The following GNL3L variants were observed in gnomAD, a reference collection of about 807,000 sequenced individuals.
GNL3L encodes guanine nucleotide-binding protein-like 3-like protein.
In GNL3L, 4 loss-of-function variants were observed where a neutral mutation model predicts 42.9. The observed-to-expected ratio is 0.09, with a 90% CI of 0.05 to 0.21. GNL3L has a LOEUF of 0.21. Among genes scored for constraint, GNL3L ranks in the 10% least tolerant of loss-of-function variants. The pLI, the probability that GNL3L is intolerant of heterozygous loss-of-function variation, is 1.00. For synonymous variants in GNL3L, 159 were observed against 176.3 expected (o/e 0.90, Z 0.78); for missense variants, 412 against 481.7 (o/e 0.86, Z 1.36).
rs759593751 is a variant in GNL3L, at chrX:54,574,782, C to T, written c.*45+14135C>T. 1.2e-4 allele frequency among the ~76,000 whole-genome samples: 14 copies of T among 112,077 alleles called. No homozygotes were observed. In the South Asian group the frequency reaches 1.8e-3, roughly 15 times the overall value. On this transcript the variant is annotated intron_variant, in intron 16 of 16. Transcript: ENST00000674498. ...TTTCTTTGAGGCAAGATTCCTGATT[C>T]GGTATCTTGTTAAATTTCTGTTAGA...
At chrX:54,580,000 T>A in intron 16 of GNL3L, among the ~76,000 whole-genome samples, 1 of 103,769 alleles carries the variant, frequency 9.6e-6, no homozygotes. Context: ...TTTTTTTTTT[T>A]TTTTTTTTTT....
At chrX:54,625,589 G>T (rs5961107), downstream of GNL3L, among the ~76,000 whole-genome samples, 16,366 of 110,154 alleles carry the variant, frequency 0.15, 1,966 homozygotes, top group African/African-American at 0.41. Context: ...TTGAGTACTT[G>T]TGCATATATA....
downstream of GNL3L, among the ~76,000 whole-genome samples, chrX:54,622,372 C>T (rs1926300027): frequency 3.0e-5 from 3 of 100,139 alleles, 1 homozygote; most frequent in South Asian, 1.4e-3. Flanking sequence ...GCAACCTCTG[C>T]CTCCTGGGTT....
intron 16 of GNL3L, among the ~76,000 whole-genome samples, chrX:54,586,381 C>T (rs979224138): frequency 1.9e-5 from 2 of 106,487 alleles, no homozygotes; most frequent in African/African-American, 6.6e-5. Context: ...GCCCCTGAGT[C>T]CTAAGCAGCA....
intron 2 of GNL3L, among the ~76,000 whole-genome samples, chrX:54,537,399 G>A (rs1199609773): frequency 9.0e-6 from 1 of 110,944 alleles, no homozygotes; most frequent in Non-Finnish European, 1.9e-5. Flanking sequence ...AGGAACTTTC[G>A]TCTGTTATTC....
chrX:54,627,896 G>T, the GNL3L span, among the ~76,000 whole-genome samples: 1 of 110,095 alleles, frequency 9.1e-6, no homozygotes, highest in Non-Finnish European at 1.9e-5. Context: ...GTGGGGTTTG[G>T]TTACATAGAT....
chrX:54,626,526 T>A, the GNL3L span, among the ~76,000 whole-genome samples: 1 of 111,942 alleles, frequency 8.9e-6, no homozygotes, highest in African/African-American at 3.3e-5. Context: ...TGATTTTGTT[T>A]CCTTTGGATA....
intron 16 of GNL3L, among the ~76,000 whole-genome samples, chrX:54,595,288 C>T (rs1184890380): frequency 4.5e-5 from 5 of 110,014 alleles, no homozygotes; most frequent in Admixed American, 9.7e-5. Flanking sequence ...TTTTTTTTTC[C>T]GCTGGATATG....
At chrX:54,645,487 T>C in the GNL3L span, among the ~76,000 whole-genome samples, 1 of 112,393 alleles carries the variant, frequency 8.9e-6, no homozygotes, top group Non-Finnish European at 1.9e-5. Context: ...ATTAGTACAA[T>C]GAATTATGTG....
exon 17 of GNL3L, among the ~76,000 whole-genome samples, chrX:54,621,357 A>G (rs1313046733): frequency 9.0e-6 from 1 of 111,685 alleles, no homozygotes; most frequent in South Asian, 3.7e-4. Context: ...AGCTCAGTTG[A>G]GCTCTTAGCT....
intron 13 of GNL3L, 65 bp from the exon 14 acceptor site, chrX:54,554,500 C>T: frequency 3.5e-6 from 4 of 1,143,050 alleles, no homozygotes; most frequent in Non-Finnish European, 4.8e-6. Flanking sequence ...TTCACTGAGG[C>T]CTGACCAGGG....
chrX:54,597,878 G>C (rs1168827684), intron 16 of GNL3L, among the ~76,000 whole-genome samples: 1 of 111,232 alleles, frequency 9.0e-6, no homozygotes, highest in Non-Finnish European at 1.9e-5. Flanking sequence ...CCTGCCGCCA[G>C]CACACAGGAA....
intron 1 of GNL3L, 95 bp from the exon 2 acceptor site, chrX:54,532,425 T>G: frequency 1.9e-6 from 1 of 528,037 alleles, no homozygotes; most frequent in Non-Finnish European, 3.3e-6. Flanking sequence ...CCTCATAATG[T>G]TCTTTAACAT....
intron 14 of GNL3L, among the ~76,000 whole-genome samples, chrX:54,557,831 CT>C (rs1309742906): frequency 9.0e-6 from 1 of 111,256 alleles, no homozygotes; most frequent in East Asian, 2.9e-4. Flanking sequence ...ATCCTCCTGC[CT>C]TGGCCTCCCA....
downstream of GNL3L, among the ~76,000 whole-genome samples, chrX:54,569,324 T>C (rs975336242): frequency 3.6e-5 from 4 of 111,944 alleles, no homozygotes; most frequent in Admixed American, 3.8e-4. Context: ...CCAGTAAGTT[T>C]TATTTGTGGG....
At chrX:54,567,968 C>CTT (rs537874465), downstream of GNL3L, among the ~76,000 whole-genome samples, 103 of 95,062 alleles carry the variant, frequency 1.1e-3, no homozygotes, top group African/African-American at 3.7e-3. Context: ...ATGTATTATT[C>CTT]TTTTTTTTTT....
At chrX:54,608,816 C>T (rs1004254925) in intron 16 of GNL3L, among the ~76,000 whole-genome samples, 2 of 111,842 alleles carry the variant, frequency 1.8e-5, no homozygotes, top group Non-Finnish European at 1.9e-5. Flanking sequence ...GCTGTAAACG[C>T]GTGTGCAAGT....
chrX:54,594,551 T>TC (rs1457260838), intron 16 of GNL3L, among the ~76,000 whole-genome samples: 1 of 106,300 alleles, frequency 9.4e-6, no homozygotes, highest in Non-Finnish European at 1.9e-5. Context: ...CTTTTTTTTT[T>TC]TTTAAAAAAA....
At chrX:54,602,687 G>A (rs1471040317) in intron 16 of GNL3L, among the ~76,000 whole-genome samples, 1 of 111,319 alleles carries the variant, frequency 9.0e-6, no homozygotes, top group Non-Finnish European at 1.9e-5. Context: ...TGAAATAGGT[G>A]GCCATGTTGG....
Sources: gnomAD v4.1 joint callset for allele counts (sites outside exome capture counted in the v4.1 genomes callset) on GRCh38, gnomAD v4.1.1 for gene constraint, MANE v1.5 for transcripts, NCBI Gene and HGNC (gene_info 2026-07-23, HGNC 2026-07-21) for gene names.